The following HDAC9 variants were observed in gnomAD, a reference collection of about 807,000 sequenced individuals.
The protein encoded by HDAC9 is histone deacetylase 9.
In HDAC9, 41 loss-of-function variants were observed where a neutral mutation model predicts 139.4. That is an observed-to-expected ratio of 0.29 (90% CI 0.23 to 0.38). The LOEUF (loss-of-function observed/expected upper bound fraction) is 0.38, where lower values mean the gene tolerates loss of function less well. Among genes scored for constraint, HDAC9 ranks in the 10% least tolerant of loss-of-function variants. HDAC9 has a pLI of 1.00. For synonymous variants in HDAC9, 517 were observed against 476.2 expected, an observed-to-expected ratio of 1.09 and a Z score of -1.12; for missense variants, 1,147 against 1,297.0, an observed-to-expected ratio of 0.88 and a Z score of 1.78.
chr7:18,864,081 T>A (rs1446830221), intron 21 of HDAC9, among the ~76,000 whole-genome samples: 8 of 152,208 alleles, frequency 5.3e-5, no homozygotes, highest in Non-Finnish European at 1.0e-4. Flanking sequence ...CATTTTACAT[T>A]CTCACCAACA....
chr7:18,724,786 A>G (rs992824721), intron 12 of HDAC9, among the ~76,000 whole-genome samples: 6 of 152,166 alleles, frequency 3.9e-5, no homozygotes, highest in African/African-American at 1.4e-4. Flanking sequence ...ACTAGAGAAT[A>G]AGCATAAAAA....
intron 2 of HDAC9, among the ~76,000 whole-genome samples, chr7:18,227,927 A>G (rs974713438): frequency 2.0e-5 from 3 of 152,010 alleles, no homozygotes; most frequent in Admixed American, 1.3e-4. Flanking sequence ...CTTTTTATTC[A>G]TTTTCCCCTG....
At chr7:18,140,263 A>C (rs1785801188) in intron 1 of HDAC9, among the ~76,000 whole-genome samples, 1 of 152,160 alleles carries the variant, frequency 6.6e-6, no homozygotes. Flanking sequence ...CTGCTTGGGG[A>C]ATTCTTGGCA....
chr7:18,525,242 G>C (rs1806440973), intron 2 of HDAC9, among the ~76,000 whole-genome samples: 1 of 151,690 alleles, frequency 6.6e-6, no homozygotes, highest in Admixed American at 6.6e-5. Context: ...TAATGACTTG[G>C]ATAGAGACCA....
In HDAC9 at chr7:18,862,603, C is replaced by CT. The variant is rs1798193767; in HGVS notation, c.2685-11872dup. ...TTGAAGACTTTTGGAGAAACCTCAC[C>CT]TTTCCCCCTCTCCATCTGGTTCATA... On this transcript the variant is annotated intron_variant, in intron 21 of 25. Coordinates refer to ENST00000686413, the MANE Select transcript of HDAC9 (RefSeq NM_178425.4). 2.0e-5 allele frequency among the ~76,000 whole-genome samples: 3 copies of CT among 152,244 alleles called. No individual in the cohort carries two copies. The South Asian group carries it at 6.2e-4, about 32-fold the overall frequency.
intron 1 of HDAC9, among the ~76,000 whole-genome samples, chr7:18,109,060 G>A (rs1422019331): frequency 6.6e-6 from 1 of 152,196 alleles, no homozygotes; most frequent in East Asian, 1.9e-4. Context: ...CCATGGGGAT[G>A]GTTATTTTTA....
At chr7:18,212,628 T>A (rs932353016) in intron 2 of HDAC9, among the ~76,000 whole-genome samples, 76 of 152,322 alleles carry the variant, frequency 5.0e-4, no homozygotes, top group African/African-American at 1.8e-3. Context: ...CAGTGAAGTT[T>A]CTTGTTACGA....
At chr7:18,754,076 A>C (rs1475242090) in intron 14 of HDAC9, among the ~76,000 whole-genome samples, 1 of 152,140 alleles carries the variant, frequency 6.6e-6, no homozygotes, top group East Asian at 1.9e-4. Context: ...TACAGTGGTT[A>C]CATGGGTTAA....
At chr7:18,595,853 G>A (rs1359486912) in intron 6 of HDAC9, among the ~76,000 whole-genome samples, 1 of 152,002 alleles carries the variant, frequency 6.6e-6, no homozygotes, top group Non-Finnish European at 1.5e-5. Context: ...CCCATACTTT[G>A]TGTCCCACTG....
intron 22 of HDAC9, chr7:18,899,210 T>A (rs942254907): frequency 6.6e-6 from 1 of 152,080 alleles, no homozygotes; most frequent in Non-Finnish European, 1.5e-5. Flanking sequence ...AAATGCTGTT[T>A]GGGTGTCTTG....
At chr7:18,208,730 AT>A (rs1791725178) in intron 2 of HDAC9, among the ~76,000 whole-genome samples, 1 of 152,142 alleles carries the variant, frequency 6.6e-6, no homozygotes, top group Non-Finnish European at 1.5e-5. Context: ...ATAGAAAAAA[AT>A]TTAAAAAAAA....
At chr7:18,549,310 A>G (rs1017524502) in intron 2 of HDAC9, among the ~76,000 whole-genome samples, 14 of 152,180 alleles carry the variant, frequency 9.2e-5, no homozygotes, top group Non-Finnish European at 1.8e-4. Context: ...TTGTCCTACA[A>G]AAATTAAAAC....
chr7:18,995,128 A>G (rs924121935), intron 25 of HDAC9, among the ~76,000 whole-genome samples: 11 of 152,190 alleles, frequency 7.2e-5, no homozygotes, highest in Non-Finnish European at 1.3e-4. Flanking sequence ...TTTATAAGGA[A>G]CATCATTTTG....
In HDAC9 at chr7:18,868,618, A is replaced by G. The variant is rs1050278416; in HGVS notation, c.2685-5860A>G. Among the ~76,000 whole-genome samples the G allele has an allele frequency of 3.8e-4, 58 of 152,284 alleles. No individual in the cohort carries two copies. In the Middle Eastern group the frequency reaches 0.014, roughly 36 times the overall value. On this transcript the variant is annotated intron_variant, in intron 21 of 25. Coordinates refer to ENST00000686413, the MANE Select transcript of HDAC9 (RefSeq NM_178425.4). Reference sequence around the variant, plus strand: ...CTACAGTTCCTGGCTCATAACTCCCATAGTTCTTGCTACAGTTTTTTTTCT... The same window carrying G: ...CTACAGTTCCTGGCTCATAACTCCCGTAGTTCTTGCTACAGTTTTTTTTCT...
chr7:18,835,681 T>C (rs763138464), intron 20 of HDAC9, 95 bp downstream of exon 20: 1 of 1,512,978 alleles, frequency 6.6e-7, no homozygotes, highest in South Asian at 1.1e-5. Flanking sequence ...TTTGCTGGTG[T>C]TTTAAATTAC....
intron 2 of HDAC9, among the ~76,000 whole-genome samples, chr7:18,567,112 T>G (rs1347122102): frequency 2.0e-5 from 3 of 152,114 alleles, no homozygotes; most frequent in African/African-American, 7.2e-5. Context: ...TGCCCAGTAG[T>G]TTTTGAACCT....
chr7:18,426,858 C>G (rs566105025), intron 1 of HDAC9, among the ~76,000 whole-genome samples: 1 of 152,258 alleles, frequency 6.6e-6, no homozygotes, highest in African/African-American at 2.4e-5. Context: ...AGAAAGCAGA[C>G]CATTATTTCT....
intron 2 of HDAC9, among the ~76,000 whole-genome samples, chr7:18,577,472 A>T (rs375221894): frequency 2.6e-5 from 4 of 152,000 alleles, no homozygotes; most frequent in African/African-American, 9.7e-5. Flanking sequence ...TCTTTTTCAA[A>T]ATTTCTCTGT....
chr7:18,215,584 G>A (rs1792249604), intron 2 of HDAC9, among the ~76,000 whole-genome samples: 1 of 152,202 alleles, frequency 6.6e-6, no homozygotes. Flanking sequence ...TTGAGGATCT[G>A]CAGAAGTGAC....
Sources: gnomAD v4.1 joint callset for allele counts (sites outside exome capture counted in the v4.1 genomes callset) on GRCh38, gnomAD v4.1.1 for gene constraint, MANE v1.5 for transcripts, NCBI Gene and HGNC (gene_info 2026-07-23, HGNC 2026-07-21) for gene names.